PTPRG: variants seen among roughly 807,000 people sequenced by gnomAD.
PTPRG encodes protein tyrosine phosphatase receptor type G, also known as receptor-type tyrosine-protein phosphatase gamma.
In PTPRG, 102 loss-of-function variants were observed where a neutral mutation model predicts 165.3. The observed-to-expected ratio is 0.62, with a 90% CI of 0.53 to 0.73. The LOEUF is 0.73. PTPRG is among the 30% of genes least tolerant of loss of function. The pLI is 0.00. For synonymous variants in PTPRG, 675 were observed against 669.5 expected (o/e 1.01, Z -0.13); for missense variants, 1,866 against 1,861.4 (o/e 1.00, Z -0.05).
chr3:61,614,566 C>T (rs72890425), intron 1 of PTPRG, among the ~76,000 whole-genome samples: 4,488 of 151,866 alleles, frequency 0.03, 224 homozygotes, highest in African/African-American at 0.1. Context: ...TGCACCACCA[C>T]GCCCAGCTAA....
At chr3:62,260,074 G>A (rs1701648120) in intron 16 of PTPRG, among the ~76,000 whole-genome samples, 1 of 152,202 alleles carries the variant, frequency 6.6e-6, no homozygotes, top group Admixed American at 6.5e-5. Flanking sequence ...GGAAGATGCA[G>A]TGTAACCAGC....
chr3:62,169,487 C>T (rs1223319937), intron 8 of PTPRG, among the ~76,000 whole-genome samples: 1 of 152,012 alleles, frequency 6.6e-6, no homozygotes, highest in African/African-American at 2.4e-5. Flanking sequence ...TCTACTTGCT[C>T]ATGTGAAATG....
chr3:62,155,168 A>G (rs1704489161), intron 6 of PTPRG, among the ~76,000 whole-genome samples: 1 of 152,180 alleles, frequency 6.6e-6, no homozygotes, highest in Admixed American at 6.5e-5. Flanking sequence ...CTATGATTTG[A>G]AGACTTTTGC....
chr3:61,917,050 G>A (rs957443784), intron 2 of PTPRG, among the ~76,000 whole-genome samples: 5 of 152,118 alleles, frequency 3.3e-5, no homozygotes, highest in African/African-American at 1.2e-4. Flanking sequence ...GTGGGGACTG[G>A]AATGCTACGG....
intron 2 of PTPRG, among the ~76,000 whole-genome samples, chr3:61,845,113 C>G (rs919391584): frequency 2.0e-5 from 3 of 152,160 alleles, no homozygotes; most frequent in Admixed American, 2.0e-4. Flanking sequence ...GTCACACTTT[C>G]CCCAGCAACC....
chr3:62,101,543 C>G (rs1049778161), intron 5 of PTPRG, among the ~76,000 whole-genome samples: 1 of 152,202 alleles, frequency 6.6e-6, no homozygotes, highest in African/African-American at 2.4e-5. Context: ...CCCTTTACTA[C>G]TACACAAGTA....
chr3:62,037,776 T>A (rs1356537849), intron 4 of PTPRG, among the ~76,000 whole-genome samples: 2 of 152,136 alleles, frequency 1.3e-5, no homozygotes, highest in African/African-American at 4.8e-5. Flanking sequence ...GCAGGCAAGG[T>A]TTCATTAGGT....
At chr3:62,076,937 A>C (rs1400570429) in intron 4 of PTPRG, among the ~76,000 whole-genome samples, 1 of 152,170 alleles carries the variant, frequency 6.6e-6, no homozygotes, top group African/African-American at 2.4e-5. Flanking sequence ...TTGTATAATG[A>C]TTCTGAGTTG....
chr3:62,226,305 G>T (rs1425908301), intron 13 of PTPRG, among the ~76,000 whole-genome samples: 1 of 152,226 alleles, frequency 6.6e-6, no homozygotes, highest in African/African-American at 2.4e-5. Flanking sequence ...AAAAGGGGAT[G>T]TCTCTGCTGC....
At chr3:62,134,068 C>G (rs2106930954) in intron 6 of PTPRG, among the ~76,000 whole-genome samples, 1 of 152,262 alleles carries the variant, frequency 6.6e-6, no homozygotes, top group Admixed American at 6.5e-5. Flanking sequence ...AGGGCTCTTA[C>G]CTCCCAAAGA....
chr3:61,674,165 G>T (rs1297571228), intron 1 of PTPRG, among the ~76,000 whole-genome samples: 2 of 143,598 alleles, frequency 1.4e-5, no homozygotes, highest in African/African-American at 5.6e-5. Context: ...ATGTATCCCA[G>T]AACAAGTATA....
At chr3:62,282,913 GTTTAA>G in intron 28 of PTPRG, 44 bp downstream of exon 28, 1 of 1,546,134 alleles carries the variant, frequency 6.5e-7, no homozygotes, top group Non-Finnish European at 8.8e-7. Context: ...CCGTTTTTTT[GTTTAA>G]TTTCTTGTTG....
Position 62,219,122 on chromosome 3 carries a change from C to T in PTPRG, c.2288+139C>T. ...GTTTCTGGTCTTGCCACCCGGAAGG[C>T]CATCTTGTCTCTGTTAGATGATGGC... On this transcript the variant is annotated intron_variant, in intron 13 of 29. Transcript: ENST00000474889. The surrounding 1 kb of genome is among the most constrained non-coding windows in gnomAD (Gnocchi z 4.5). The T allele has an allele frequency of 1.7e-6, 2 of 1,186,366 alleles. No homozygotes were observed. Among genetic ancestry groups the T allele is most frequent in the Admixed American group, 2.4e-5 (1 of 42,034 alleles). 73.5% of individuals were successfully genotyped at this position (1,186,366 alleles called of 1,614,324 possible). A position where few individuals can be genotyped will look rare whatever the true frequency, so the allele number is the denominator to read the frequency against.
At chr3:62,285,876 C>T (rs1346488305) in intron 28 of PTPRG, among the ~76,000 whole-genome samples, 2 of 152,118 alleles carry the variant, frequency 1.3e-5, no homozygotes, top group African/African-American at 4.8e-5. Context: ...TACTTAATTA[C>T]TCACTCTGGA....
intron 1 of PTPRG, among the ~76,000 whole-genome samples, chr3:61,676,781 G>A (rs1046923331): frequency 2.0e-5 from 3 of 152,130 alleles, no homozygotes; most frequent in Admixed American, 1.3e-4. Context: ...TCTCATCAGG[G>A]ATAGTTGGAG....
chr3:61,757,336 A>G (rs982695252), intron 2 of PTPRG, among the ~76,000 whole-genome samples: 1 of 151,910 alleles, frequency 6.6e-6, no homozygotes, highest in Non-Finnish European at 1.5e-5. Flanking sequence ...TAGATTCATA[A>G]TTTTTTTTAA....
chr3:62,213,495 T>A lies in PTPRG; in HGVS notation c.2156-5356T>A, dbSNP rs1308839122. On this transcript the variant is annotated intron_variant, in intron 12 of 29. Coordinates refer to ENST00000474889, the MANE Select transcript of PTPRG (RefSeq NM_002841.4). The surrounding 1 kb of genome is among the most constrained non-coding windows in gnomAD (Gnocchi z 4.4). ...TCTGTTTTCACACGGACGATCTTTT[T>A]TCATCCTCAGGACTCCCCGAGAGGT... Among the ~76,000 whole-genome samples, 2 of 152,180 alleles carry A rather than the reference T, an allele frequency of 1.3e-5. No homozygotes were observed. Among genetic ancestry groups the A allele is most frequent in the Non-Finnish European group, 2.9e-5 (2 of 68,020 alleles).
chr3:61,983,519 G>T (rs1216441656), intron 2 of PTPRG, among the ~76,000 whole-genome samples: 4 of 152,052 alleles, frequency 2.6e-5, no homozygotes, highest in Admixed American at 6.6e-5. Context: ...GATTTAGACA[G>T]AATTCATTAT....
intron 2 of PTPRG, among the ~76,000 whole-genome samples, chr3:61,762,806 G>T (rs1398850063): frequency 2.0e-5 from 3 of 152,080 alleles, no homozygotes; most frequent in East Asian, 1.9e-4. Context: ...GCACACCTAG[G>T]GTAGGACACC....
Sources: allele counts gnomAD v4.1 joint callset (sites outside exome capture counted in the v4.1 genomes callset), GRCh38; gene constraint gnomAD v4.1.1; non-coding constraint Gnocchi (gnomAD v3.1); transcripts MANE v1.5; gene names NCBI Gene and HGNC (gene_info 2026-07-23, HGNC 2026-07-21).